The following LRIG1 variants were observed in gnomAD, a reference collection of about 807,000 sequenced individuals.
LRIG1 encodes leucine rich repeats and immunoglobulin like domains 1, also known as leucine-rich repeats and immunoglobulin-like domains protein 1.
Under a neutral mutation model 99.2 loss-of-function variants are expected in LRIG1, and 48 were observed. That is an observed-to-expected ratio of 0.48 (90% CI 0.38 to 0.62). The LOEUF (loss-of-function observed/expected upper bound fraction) is 0.62, where lower values mean the gene tolerates loss of function less well. Ranked by LOEUF, LRIG1 falls within the 20% of genes least tolerant of loss-of-function variation. The pLI is 0.00. For synonymous variants in LRIG1, 772 were observed against 596.1 expected, an observed-to-expected ratio of 1.29 and a Z score of -4.30; for missense variants, 1,646 against 1,434.4, an observed-to-expected ratio of 1.15 and a Z score of -2.38.
chr3:66,380,994 T>C, intron 17 of LRIG1, 133 bp from the exon 18 acceptor site: 1 of 843,948 alleles, frequency 1.2e-6, no homozygotes, highest in South Asian at 1.7e-5. Context: ...ATGCTTCCTC[T>C]TTTCCCCAAC....
rs191588253 is a variant in LRIG1 at position 66,486,547 on chromosome 3, A to G, written c.218+13643T>C. Among the ~76,000 whole-genome samples the G allele has an allele frequency of 1.5e-4, 23 of 152,332 alleles. No individual in the cohort carries two copies. In the East Asian group the frequency reaches 4.4e-3, roughly 29 times the overall value. On this transcript the variant is annotated intron_variant, in intron 1 of 18. Transcript: ENST00000273261. ...TGGTTAGCAAGGCACCTGAACTTAAAGAGCTCAAGACAAACGCTTAAATTC... is the reference window on the plus strand; with the variant it reads ...TGGTTAGCAAGGCACCTGAACTTAAGGAGCTCAAGACAAACGCTTAAATTC...
At chr3:66,388,546 C>T (rs748325987) in intron 12 of LRIG1, among the ~76,000 whole-genome samples, 10 of 152,152 alleles carry the variant, frequency 6.6e-5, no homozygotes, top group South Asian at 2.1e-4. Flanking sequence ...AAGATCCAAA[C>T]GCAGATTCAT....
Position 66,380,825 on chromosome 3 carries a change from G to A in LRIG1, c.2807C>T (p.Thr936Ile). The change falls in exon 18 of 19, where the codon ACC becomes ATC. Residue 936 changes from threonine (T) to isoleucine (I), a missense_variant. Physicochemically the swap from Thr to Ile is moderately conservative, Grantham distance 89. Coordinates refer to ENST00000273261, the MANE Select transcript of LRIG1 (RefSeq NM_015541.3). ...GGRVVCSDCNTEVDCYSRGQA... is the reference protein window; with the variant it reads ...GGRVVCSDCNIEVDCYSRGQA... The stretch of plus-strand genomic sequence containing the variant: ...TCCCCTGGAGTAACAGTCCACTTCG[G>A]TGTTGCAGTCACTGCATACGACCCG... The A allele has an allele frequency of 6.2e-7, 1 of 1,614,232 alleles. No homozygotes were observed. The highest frequency in any genetic ancestry group is 8.5e-7 in the Non-Finnish European group (1 of 1,180,034).
intron 1 of LRIG1, among the ~76,000 whole-genome samples, chr3:66,465,646 G>T (rs1321410894): frequency 1.3e-5 from 2 of 152,056 alleles, no homozygotes; most frequent in Non-Finnish European, 2.9e-5. Flanking sequence ...GATTACAGGT[G>T]TGAGCCACCG....
intron 3 of LRIG1, among the ~76,000 whole-genome samples, chr3:66,444,286 G>C (rs934368786): frequency 2.0e-5 from 3 of 152,298 alleles, no homozygotes; most frequent in African/African-American, 7.2e-5. Flanking sequence ...AGCAAATTAA[G>C]CACAAGCAAA....
At chr3:66,384,336 C>G (rs759772307) in intron 13 of LRIG1, 64 bp from the exon 14 acceptor site, 15 of 1,514,782 alleles carry the variant, frequency 9.9e-6, no homozygotes, top group Non-Finnish European at 1.4e-5. Flanking sequence ...AGGAAGTCCT[C>G]TGGCAAACAC....
At chr3:66,494,426 T>C (rs959966817) in intron 1 of LRIG1, among the ~76,000 whole-genome samples, 1 of 151,902 alleles carries the variant, frequency 6.6e-6, no homozygotes, top group Admixed American at 6.6e-5. Flanking sequence ...TAGCCCATTC[T>C]CTCCCCCAGT....
chr3:66,405,861 G>A (rs893366634), intron 8 of LRIG1: 9 of 1,097,368 alleles, frequency 8.2e-6, no homozygotes, highest in South Asian at 4.4e-5. Context: ...TGACCCACTC[G>A]CCAGGATCAG....
At chr3:66,476,314 T>C (rs1369839746) in intron 1 of LRIG1, among the ~76,000 whole-genome samples, 2 of 152,180 alleles carry the variant, frequency 1.3e-5, no homozygotes, top group Non-Finnish European at 2.9e-5. Flanking sequence ...CAAATAGCCC[T>C]GTCTGGCCAG....
chr3:66,444,015 A>T (rs1324780410), intron 3 of LRIG1, among the ~76,000 whole-genome samples: 2 of 152,204 alleles, frequency 1.3e-5, no homozygotes, highest in Non-Finnish European at 2.9e-5. Flanking sequence ...TTCCATCTGG[A>T]AAAAGAGGTG....
intron 3 of LRIG1, among the ~76,000 whole-genome samples, chr3:66,434,087 T>C (rs927937069): frequency 1.1e-4 from 16 of 152,226 alleles, no homozygotes; most frequent in African/African-American, 3.9e-4. Context: ...TTAACACTTA[T>C]TAGGCTTTAT....
intron 3 of LRIG1, among the ~76,000 whole-genome samples, chr3:66,450,806 G>A (rs776558197): frequency 2.0e-5 from 3 of 152,170 alleles, no homozygotes; most frequent in Non-Finnish European, 2.9e-5. Flanking sequence ...TGCTCTGCTG[G>A]GGAAGCTGCC....
chr3:66,449,491 A>T (rs1352321310), intron 3 of LRIG1, among the ~76,000 whole-genome samples: 2 of 152,204 alleles, frequency 1.3e-5, no homozygotes, highest in East Asian at 3.9e-4. Flanking sequence ...GAATAGCAGG[A>T]ACAAGGCCAA....
Position 66,423,841 on chromosome 3 carries a change from C to T in LRIG1, c.366-6575G>A, listed in dbSNP as rs1333715933. On this transcript the variant is annotated intron_variant, in intron 3 of 18. Coordinates refer to ENST00000273261, the MANE Select transcript of LRIG1 (RefSeq NM_015541.3). ...AAGTGATGTGTGAAGTTCATATGCC[C>T]CATGGGCTGATATGACCTGACACGT... 2.6e-5 allele frequency among the ~76,000 whole-genome samples: 4 copies of T among 152,322 alleles called. No individual in the cohort carries two copies. The East Asian group carries it at 7.7e-4, about 29-fold the overall frequency.
chr3:66,431,332 A>G (rs1270160513), intron 3 of LRIG1, among the ~76,000 whole-genome samples: 1 of 152,252 alleles, frequency 6.6e-6, no homozygotes, highest in Non-Finnish European at 1.5e-5. Context: ...CAAGAAAAGC[A>G]GAAAAGGTGA....
rs370925980 is a variant in LRIG1 at position 66,405,303 on chromosome 3, C to T, written c.1080-25G>A. On this transcript the variant is annotated intron_variant, in intron 8 of 18. Coordinates refer to ENST00000273261, the MANE Select transcript of LRIG1 (RefSeq NM_015541.3). ...CCTGGGGAGAGGACAGAAAGCAGCT[C>T]ACCGAGCAGTCGGGGCGTGAAGGGA... The T allele has an allele frequency of 1.0e-5, 16 of 1,591,148 alleles. No individual in the cohort carries two copies. In the African/African-American group the frequency reaches 2.1e-4, roughly 21 times the overall value.
chr3:66,454,257 C>G (rs975117735), intron 2 of LRIG1, among the ~76,000 whole-genome samples: 2 of 152,180 alleles, frequency 1.3e-5, no homozygotes, highest in Non-Finnish European at 2.9e-5. Flanking sequence ...CACTCTGTCC[C>G]CTGTTGAAAC....
At position 66,386,003 on chromosome 3, in the gene LRIG1, A is replaced by C; in HGVS notation, c.1767T>G (p.His589Gln). 1.9e-6 allele frequency: 3 copies of C among 1,614,132 alleles called. No individual in the cohort carries two copies. The highest frequency in any genetic ancestry group is 2.5e-6 in the Non-Finnish European group (3 of 1,180,012). ...ITNHFGSTYSHKARLTVNVLP... is the reference protein window; with the variant it reads ...ITNHFGSTYSQKARLTVNVLP... The stretch of plus-strand genomic sequence containing the variant: ...TACCATTCACGGTGAGCCTGGCCTT[A>C]TGTGAATAGGTGGAGCCAAAGTGGT... The change falls in exon 13 of 19, where the codon CAT (histidine) becomes CAG (glutamine). Residue 589 changes from histidine to glutamine, a missense_variant. Physicochemically the swap from His to Gln is conservative, Grantham distance 24 (BLOSUM62 0). Coordinates refer to ENST00000273261, the MANE Select transcript of LRIG1 (RefSeq NM_015541.3).
chr3:66,459,254 G>C (rs1180884226), intron 2 of LRIG1, among the ~76,000 whole-genome samples: 5 of 152,150 alleles, frequency 3.3e-5, no homozygotes, highest in Admixed American at 3.3e-4. Context: ...TGCAGGTCAC[G>C]GGAGCCAAAT....
Sources: gnomAD v4.1 joint callset for allele counts (sites outside exome capture counted in the v4.1 genomes callset) on GRCh38, gnomAD v4.1.1 for gene constraint, MANE v1.5 for transcripts, NCBI Gene and HGNC (gene_info 2026-07-23, HGNC 2026-07-21) for gene names.